The following POU6F2 variants were observed in gnomAD, a reference collection of about 807,000 sequenced individuals.
POU6F2 encodes POU class 6 homeobox 2, also known as POU domain, class 6, transcription factor 2.
A neutral mutation model predicts 71.3 loss-of-function variants in POU6F2; 31 were observed. The ratio of observed to expected loss-of-function variants is 0.43; its 90% CI spans 0.33 to 0.59. The LOEUF (loss-of-function observed/expected upper bound fraction) is 0.59. POU6F2 is among the 20% of genes least tolerant of loss of function. The pLI is 0.04. For synonymous variants in POU6F2, 347 were observed against 355.7 expected (o/e 0.98, Z 0.27); for missense variants, 783 against 856.8 (o/e 0.91, Z 1.07).
intron 2 of POU6F2, among the ~76,000 whole-genome samples, chr7:39,153,620 T>A (rs1792803806): frequency 6.6e-6 from 1 of 152,204 alleles, no homozygotes; most frequent in African/African-American, 2.4e-5. Context: ...ATTAAAAGAT[T>A]AATTAAAAGA....
At chr7:39,242,687 A>G (rs1448059926) in intron 4 of POU6F2, among the ~76,000 whole-genome samples, 1 of 152,156 alleles carries the variant, frequency 6.6e-6, no homozygotes, top group African/African-American at 2.4e-5. Context: ...ACCTATAATT[A>G]CATACCATAT....
At chr7:39,445,242 C>T (rs1788497176) in intron 7 of POU6F2, among the ~76,000 whole-genome samples, 1 of 152,296 alleles carries the variant, frequency 6.6e-6, no homozygotes, top group East Asian at 1.9e-4. Flanking sequence ...TTTTCTCAAG[C>T]CACCCAGAAT....
At chr7:39,230,375 T>G (rs2128749896) in intron 4 of POU6F2, among the ~76,000 whole-genome samples, 1 of 152,146 alleles carries the variant, frequency 6.6e-6, no homozygotes, top group Middle Eastern at 3.4e-3. Flanking sequence ...GCCTCAGCTA[T>G]TTTGGAGACT....
At chr7:39,098,612 G>T (rs532037163) in intron 2 of POU6F2, among the ~76,000 whole-genome samples, 1 of 152,138 alleles carries the variant, frequency 6.6e-6, no homozygotes, top group Non-Finnish European at 1.5e-5. Context: ...GTGCTTCAAG[G>T]CTCTGGAGTC....
chr7:39,396,978 A>T (rs1220870930), intron 5 of POU6F2, among the ~76,000 whole-genome samples: 3 of 152,000 alleles, frequency 2.0e-5, no homozygotes, highest in African/African-American at 7.3e-5. Context: ...TTAAGCCCTC[A>T]GCCCAGCCCA....
At chr7:39,021,350 T>C (rs1789674955) in intron 1 of POU6F2, among the ~76,000 whole-genome samples, 1 of 151,924 alleles carries the variant, frequency 6.6e-6, no homozygotes, top group Non-Finnish European at 1.5e-5. Context: ...TTAATTTTTG[T>C]AGCAAACATA....
intron 4 of POU6F2, among the ~76,000 whole-genome samples, chr7:39,252,419 C>G (rs943862679): frequency 6.6e-5 from 10 of 151,950 alleles, no homozygotes; most frequent in Admixed American, 4.6e-4. Context: ...CACACACACA[C>G]ACACACACAC....
chr7:39,287,792 A>C (rs533139083), intron 4 of POU6F2, among the ~76,000 whole-genome samples: 2 of 152,344 alleles, frequency 1.3e-5, no homozygotes, highest in African/African-American at 4.8e-5. Flanking sequence ...GCCAAGACCC[A>C]CTAAATCAGA....
At chr7:39,180,856 C>T (rs1247685027) in intron 2 of POU6F2, among the ~76,000 whole-genome samples, 7 of 152,146 alleles carry the variant, frequency 4.6e-5, no homozygotes, top group Admixed American at 1.3e-4. Flanking sequence ...CCTTTGCCTT[C>T]CAGAGCACCT....
rs569464431 is a variant in POU6F2 at position 39,284,792 on chromosome 7, T to G, written c.599-54850T>G. On this transcript the variant is annotated intron_variant, in intron 4 of 9. Transcript: ENST00000518318. ...CTTTTCTTCCTAATTCAAGTTAAAT[T>G]CAGTCAAGGTTGGTAAGAATATGAT... Among the ~76,000 whole-genome samples, 5 of 152,332 alleles carry G rather than the reference T, an allele frequency of 3.3e-5. No homozygotes were observed. In the South Asian group the frequency reaches 1.0e-3, roughly 32 times the overall value.
chr7:39,073,806 C>A (rs1395744068), intron 1 of POU6F2, among the ~76,000 whole-genome samples: 1 of 152,208 alleles, frequency 6.6e-6, no homozygotes, highest in Non-Finnish European at 1.5e-5. Flanking sequence ...AGCTTGGGAA[C>A]AGAGGGAAGG....
At chr7:39,201,040 T>C (rs1793889928) in intron 2 of POU6F2, among the ~76,000 whole-genome samples, 1 of 151,826 alleles carries the variant, frequency 6.6e-6, no homozygotes, top group Non-Finnish European at 1.5e-5. Context: ...CAAAAAAAAA[T>C]ACAAATTAAA....
chr7:39,013,204 A>G (rs920083496), intron 1 of POU6F2: 4 of 154,572 alleles, frequency 2.6e-5, no homozygotes, highest in Non-Finnish European at 4.3e-5. Flanking sequence ...GGACCCTCCG[A>G]GCCAGGTGCG....
At chr7:39,111,535 C>T (rs62442216) in intron 2 of POU6F2, among the ~76,000 whole-genome samples, 17,239 of 152,088 alleles carry the variant, frequency 0.11, 1,058 homozygotes, top group Middle Eastern at 0.15. Flanking sequence ...ATTCATTCAA[C>T]AAATATTAAA....
intron 1 of POU6F2, among the ~76,000 whole-genome samples, chr7:39,074,353 A>G (rs1790950305): frequency 6.6e-6 from 1 of 151,976 alleles, no homozygotes; most frequent in Non-Finnish European, 1.5e-5. Context: ...GTGTGGTGGC[A>G]GGCGTAGTCC....
intron 5 of POU6F2, among the ~76,000 whole-genome samples, chr7:39,390,480 A>G (rs572707682): frequency 6.6e-6 from 1 of 152,344 alleles, no homozygotes; most frequent in African/African-American, 2.4e-5. Flanking sequence ...AAGCTCATGC[A>G]TCTCCATGAT....
At chr7:39,356,376 C>T (rs762410893) in intron 5 of POU6F2, among the ~76,000 whole-genome samples, 3 of 152,196 alleles carry the variant, frequency 2.0e-5, no homozygotes, top group Non-Finnish European at 4.4e-5. Flanking sequence ...CTTCTCATCA[C>T]TGACCCCTCA....
chr7:39,049,080 T>G (rs1319728657), intron 1 of POU6F2, among the ~76,000 whole-genome samples: 1 of 152,024 alleles, frequency 6.6e-6, no homozygotes, highest in African/African-American at 2.4e-5. Context: ...TGGCAATTTG[T>G]GCTTTCTTTC....
chr7:39,068,490 C>CATATATGTATATATATATATAT, intron 1 of POU6F2, among the ~76,000 whole-genome samples: 1 of 146,644 alleles, frequency 6.8e-6, no homozygotes, highest in Admixed American at 6.8e-5. Context: ...CTAGTACATG[C>CATATATGTATATATATATATAT]ATATATATAT....
Sources: gnomAD v4.1 joint callset for allele counts (sites outside exome capture counted in the v4.1 genomes callset) on GRCh38, gnomAD v4.1.1 for gene constraint, MANE v1.5 for transcripts, NCBI Gene and HGNC (gene_info 2026-07-23, HGNC 2026-07-21) for gene names.